DLGAP1: variants seen among roughly 807,000 people sequenced by gnomAD.
The protein encoded by DLGAP1 is disks large-associated protein 1.
Under a neutral mutation model 90.8 loss-of-function variants are expected in DLGAP1, and 11 were observed. That is an observed-to-expected ratio of 0.12 (90% CI 0.08 to 0.20). DLGAP1 has a LOEUF of 0.20. DLGAP1 is among the 10% of genes least tolerant of loss of function. The pLI is 1.00. For synonymous variants in DLGAP1, 558 were observed against 540.7 expected (o/e 1.03, Z -0.44); for missense variants, 1,050 against 1,333.8 (o/e 0.79, Z 3.31).
intron 7 of DLGAP1, among the ~76,000 whole-genome samples, chr18:3,605,313 C>T (rs2057277946): frequency 6.6e-6 from 1 of 152,212 alleles, no homozygotes; most frequent in Non-Finnish European, 1.5e-5. Context: ...CTTCTGAATG[C>T]CTTTCCTAGT....
At chr18:3,855,328 G>A (rs534215591) in intron 4 of DLGAP1, among the ~76,000 whole-genome samples, 1 of 152,222 alleles carries the variant, frequency 6.6e-6, no homozygotes, top group Admixed American at 6.5e-5. Context: ...TGCCTATCGG[G>A]TGTTACGCTT....
At chr18:3,680,728 G>A (rs1448822647) in intron 7 of DLGAP1, among the ~76,000 whole-genome samples, 1 of 146,578 alleles carries the variant, frequency 6.8e-6, no homozygotes, top group Non-Finnish European at 1.5e-5. Flanking sequence ...GGCGGAGCTT[G>A]CAGTAAGCCG....
At chr18:4,032,697 A>C (rs910941242) in intron 2 of DLGAP1, among the ~76,000 whole-genome samples, 3 of 149,806 alleles carry the variant, frequency 2.0e-5, no homozygotes, top group Non-Finnish European at 2.9e-5. Context: ...CAAAGTTTTA[A>C]GGTGTATAGA....
intron 2 of DLGAP1, among the ~76,000 whole-genome samples, chr18:4,049,380 G>A (rs79975351): frequency 0.022 from 3,396 of 152,162 alleles, 128 homozygotes; most frequent in African/African-American, 0.077. Flanking sequence ...AGCCAGTCCT[G>A]TCTGAGGGGC....
At chr18:3,812,440 T>C (rs2066891536) in intron 5 of DLGAP1, among the ~76,000 whole-genome samples, 1 of 152,058 alleles carries the variant, frequency 6.6e-6, no homozygotes. Context: ...ATAGATATAT[T>C]GAAGTCCTAA....
chr18:4,143,936 C>CT (rs1236964131), intron 2 of DLGAP1, among the ~76,000 whole-genome samples: 1 of 152,168 alleles, frequency 6.6e-6, no homozygotes, highest in Non-Finnish European at 1.5e-5. Flanking sequence ...CCTCAGGACT[C>CT]TATCTGGTGT....
At chr18:3,597,330 G>A (rs771003831) in intron 7 of DLGAP1, 64 of 439,916 alleles carry the variant, frequency 1.5e-4, no homozygotes, top group Middle Eastern at 7.0e-4. Flanking sequence ...CTCCCTGCCC[G>A]GCTGCTATAT....
In DLGAP1 at chr18:3,774,127, G is replaced by A. The variant is rs894797846; in HGVS notation, c.1173-31615C>T. ...TTCTGGGTTTAGGCGGCATCCTTAAGCTGTTCCAGTAACTCAGTGCCAAAA... is the reference window on the plus strand; with the variant it reads ...TTCTGGGTTTAGGCGGCATCCTTAAACTGTTCCAGTAACTCAGTGCCAAAA... On this transcript the variant is annotated intron_variant, in intron 5 of 12. Transcript: ENST00000315677. The A allele has an allele frequency of 2.6e-5, 4 of 152,152 alleles. No homozygotes were observed. In the East Asian group the frequency reaches 5.8e-4, roughly 22 times the overall value. 9.4% of individuals were successfully genotyped at this position (152,152 alleles called of 1,614,324 possible).
chr18:4,228,262 A>C (rs570548113), intron 1 of DLGAP1, among the ~76,000 whole-genome samples: 4 of 152,096 alleles, frequency 2.6e-5, no homozygotes, highest in African/African-American at 9.6e-5. Context: ...TCACTGCTGA[A>C]TGTTACCAAA....
intron 3 of DLGAP1, among the ~76,000 whole-genome samples, chr18:3,996,422 C>T (rs2074071567): frequency 6.6e-6 from 1 of 152,006 alleles, no homozygotes; most frequent in Non-Finnish European, 1.5e-5. Flanking sequence ...CTTGTAACAA[C>T]TTAGGTATCT....
At chr18:4,441,896 G>C (rs191807826) in intron 1 of DLGAP1, among the ~76,000 whole-genome samples, 7 of 152,332 alleles carry the variant, frequency 4.6e-5, no homozygotes, top group African/African-American at 1.2e-4. Flanking sequence ...GCAGAATATA[G>C]AGCCTAGCGC....
At chr18:3,874,063 T>C in intron 4 of DLGAP1, 1 of 1,533,176 alleles carries the variant, frequency 6.5e-7, no homozygotes, top group Non-Finnish European at 8.8e-7. Context: ...AAATCACAAA[T>C]ACTACCCCTT....
intron 1 of DLGAP1, among the ~76,000 whole-genome samples, chr18:4,185,276 A>G (rs1236550917): frequency 6.7e-6 from 1 of 149,424 alleles, no homozygotes; most frequent in Non-Finnish European, 1.5e-5. Flanking sequence ...TTTTTTTTTA[A>G]CTTTTATTTC....
At position 4,027,547 on chromosome 18, in the gene DLGAP1, A is replaced by G. The variant is rs374279210; in HGVS notation, c.-158-22346T>C. On this transcript the variant is annotated intron_variant, in intron 2 of 12. Coordinates refer to ENST00000315677, the MANE Select transcript of DLGAP1 (RefSeq NM_004746.4). ...AAAAAAAAAAAAAAAGAATAATGATATGCTCTAGTGAAATTAAATGAGACG... is the reference window on the plus strand; with the variant it reads ...AAAAAAAAAAAAAAAGAATAATGATGTGCTCTAGTGAAATTAAATGAGACG... Among the ~76,000 whole-genome samples, 83 of 141,236 alleles carry G rather than the reference A, an allele frequency of 5.9e-4. No homozygotes were observed. In the South Asian group the frequency reaches 0.019, roughly 32 times the overall value. 92.7% of individuals were successfully genotyped at this position (141,236 alleles called of 152,430 possible).
At chr18:3,709,781 G>A (rs1413993557) in intron 7 of DLGAP1, among the ~76,000 whole-genome samples, 2 of 152,108 alleles carry the variant, frequency 1.3e-5, no homozygotes, top group Admixed American at 1.3e-4. Flanking sequence ...CAGTGTTTGC[G>A]GGACTGAAGG....
intron 3 of DLGAP1, among the ~76,000 whole-genome samples, chr18:3,988,034 G>A (rs769087894): frequency 6.6e-6 from 1 of 151,918 alleles, no homozygotes; most frequent in Non-Finnish European, 1.5e-5. Flanking sequence ...AATATGTAGT[G>A]GAATAATTGT....
intron 7 of DLGAP1, among the ~76,000 whole-genome samples, chr18:3,720,895 A>AAAAAAAAAAAAAAAAAAAAAAAAAG (rs2061953800): frequency 2.1e-5 from 3 of 140,408 alleles, no homozygotes; most frequent in African/African-American, 8.6e-5. Context: ...CTACAAAAAA[A>AAAAAAAAAAAAAAAAAAAAAAAAAG]AAAAAAAAAA....
intron 1 of DLGAP1, among the ~76,000 whole-genome samples, chr18:4,183,310 C>A (rs993680416): frequency 3.3e-5 from 5 of 151,964 alleles, no homozygotes; most frequent in African/African-American, 9.7e-5. Flanking sequence ...AATGACTTAA[C>A]TGACAATGTG....
intron 1 of DLGAP1, among the ~76,000 whole-genome samples, chr18:4,210,729 C>T (rs1053879809): frequency 2.6e-5 from 4 of 152,104 alleles, no homozygotes; most frequent in Non-Finnish European, 5.9e-5. Context: ...TATATAAAAA[C>T]CAAAATTTAG....
Sources: gnomAD v4.1 joint callset for allele counts (sites outside exome capture counted in the v4.1 genomes callset) on GRCh38, gnomAD v4.1.1 for gene constraint, MANE v1.5 for transcripts, NCBI Gene and HGNC (gene_info 2026-07-23, HGNC 2026-07-21) for gene names.